Variants in TIPIN observed in about 807,000 individuals in gnomAD.
TIPIN encodes the protein TIMELESS-interacting protein.
A neutral mutation model predicts 35.6 loss-of-function variants in TIPIN; 29 were observed. The observed-to-expected ratio is 0.82, with a 90% confidence interval of 0.61 to 1.11. The LOEUF (loss-of-function observed/expected upper bound fraction) is 1.11. Among genes scored for constraint, TIPIN ranks in the 50% most tolerant of loss-of-function variants. The pLI, the probability that TIPIN is intolerant of heterozygous loss-of-function variation, is 0.00. For missense variants in TIPIN, 296 were observed against 345.4 expected (o/e 0.86, Z 1.13); for synonymous variants, 102 against 121.5 (o/e 0.84, Z 1.06).
chr15:66,360,709 G>C (rs752657413), upstream of TIPIN, among the ~76,000 whole-genome samples: 21 of 152,170 alleles, frequency 1.4e-4, no homozygotes, highest in Non-Finnish European at 2.1e-4. Flanking sequence ...GCTCAGGCCT[G>C]TAATCCCAGC....
In TIPIN at chr15:66,356,644, G is replaced by A. The variant is rs2093205972; in HGVS notation, c.-14C>T. 10 of 985,982 alleles carry A rather than the reference G, an allele frequency of 1.0e-5. No individual in the cohort carries two copies. The South Asian group carries it at 4.2e-4, about 42-fold the overall frequency. 61.1% of individuals were successfully genotyped at this position (985,982 alleles called of 1,614,324 possible). ...GCCCGCCAGCCAGCTCTCACCTCAC[G>A]CAGAAAACACGGGACACAGCGCGGA... is the stretch of plus-strand genomic sequence containing the variant. On this transcript the variant is annotated 5_prime_UTR_variant, in exon 1 of 8. Coordinates refer to ENST00000261881, the MANE Select transcript of TIPIN (RefSeq NM_017858.3).
At chr15:66,374,305 C>T (rs1453394448) in intron 1 of TIPIN, among the ~76,000 whole-genome samples, 1 of 138,904 alleles carries the variant, frequency 7.2e-6, no homozygotes, top group Admixed American at 6.8e-5. Context: ...TTTTAATTTG[C>T]ATTTCCCCAT....
chr15:66,349,303 C>T lies in TIPIN; in HGVS notation c.411+12G>A. On this transcript the variant is annotated intron_variant, in intron 5 of 7. Transcript: ENST00000261881. ...GCATGTGAATGATATTTATAATCAT[C>T]TCAACACTTACCTGAACTTCCTTTT... 1.2e-6 allele frequency: 2 copies of T among 1,612,498 alleles called. No homozygotes were observed. Among genetic ancestry groups the T allele is most frequent in the Non-Finnish European group, 1.7e-6 (2 of 1,179,802 alleles).
upstream of TIPIN, among the ~76,000 whole-genome samples, chr15:66,357,035 G>A (rs1465687949): frequency 6.6e-6 from 1 of 151,836 alleles, no homozygotes; most frequent in Non-Finnish European, 1.5e-5. Flanking sequence ...TCCCACCTCA[G>A]CCTCCCTTCC....
At chr15:66,356,993 T>C (rs2072962038), upstream of TIPIN, among the ~76,000 whole-genome samples, 1 of 152,136 alleles carries the variant, frequency 6.6e-6, no homozygotes, top group South Asian at 2.1e-4. Flanking sequence ...CTCGGCTGAC[T>C]ACAGTCTCTA....
At chr15:66,352,289 G>T in intron 2 of TIPIN, 82 bp from the exon 3 acceptor site, 1 of 1,137,428 alleles carries the variant, frequency 8.8e-7, no homozygotes, top group Non-Finnish European at 1.3e-6. Context: ...AAGCTGATAA[G>T]ATAACTAAAC....
At chr15:66,379,819 T>A in intron 1 of TIPIN, 1 of 1,597,636 alleles carries the variant, frequency 6.3e-7, no homozygotes, top group Non-Finnish European at 8.5e-7. Context: ...CTCCGCAGGG[T>A]TCCTCTGGGG....
intron 6 of TIPIN, chr15:66,347,243 A>G (rs758078424): frequency 1.9e-6 from 1 of 518,852 alleles, no homozygotes; most frequent in Non-Finnish European, 3.8e-6. Flanking sequence ...TCTGATAACT[A>G]TACAGACCCT....
chr15:66,345,434 C>T (rs991730028), intron 6 of TIPIN, among the ~76,000 whole-genome samples: 2 of 152,086 alleles, frequency 1.3e-5, no homozygotes, highest in Non-Finnish European at 2.9e-5. Flanking sequence ...AGGCCGGGCA[C>T]AGTGGCTCAC....
intron 6 of TIPIN, among the ~76,000 whole-genome samples, chr15:66,342,620 T>A (rs1025630547): frequency 3.3e-5 from 5 of 152,116 alleles, no homozygotes; most frequent in African/African-American, 1.2e-4. Flanking sequence ...TGCCTCAGCC[T>A]CCCAAAGTGC....
chr15:66,365,766 C>T (rs955902987), intron 1 of TIPIN, among the ~76,000 whole-genome samples: 2 of 152,024 alleles, frequency 1.3e-5, no homozygotes, highest in East Asian at 3.9e-4. Context: ...AGGCTGGTCT[C>T]GAACTCCTGA....
At chr15:66,350,191 T>A (rs553467887) in intron 4 of TIPIN, among the ~76,000 whole-genome samples, 10 of 151,956 alleles carry the variant, frequency 6.6e-5, no homozygotes, top group Admixed American at 2.6e-4. Flanking sequence ...CTTGAACTCC[T>A]GGCCTCAAGT....
At chr15:66,346,040 G>A (rs531586764) in intron 6 of TIPIN, among the ~76,000 whole-genome samples, 1 of 151,592 alleles carries the variant, frequency 6.6e-6, no homozygotes, top group African/African-American at 2.4e-5. Context: ...TCCGCCTTCC[G>A]GGTTCAAGCA....
chr15:66,379,908 G>T, intron 1 of TIPIN: 8 of 1,513,268 alleles, frequency 5.3e-6, no homozygotes, highest in South Asian at 4.5e-5. Context: ...AATGAGAATG[G>T]TCTTCACTCT....
intron 1 of TIPIN, 58 bp downstream of exon 1, chr15:66,356,581 G>C (rs907701907): frequency 5.1e-6 from 5 of 981,510 alleles, no homozygotes; most frequent in Non-Finnish European, 6.1e-6. Flanking sequence ...TGGCTCCCTG[G>C]CTAGTCCGAC....
chr15:66,355,447 T>A (rs1371034449), intron 1 of TIPIN, among the ~76,000 whole-genome samples: 2 of 150,584 alleles, frequency 1.3e-5, no homozygotes, highest in Non-Finnish European at 3.0e-5. Flanking sequence ...TCGGTTACCA[T>A]AAATATAAAA....
intron 1 of TIPIN, among the ~76,000 whole-genome samples, chr15:66,364,025 G>A (rs968021024): frequency 1.3e-5 from 2 of 151,566 alleles, no homozygotes; most frequent in Non-Finnish European, 2.9e-5. Context: ...CAAGCCATGA[G>A]GGATCCACCC....
intron 4 of TIPIN, among the ~76,000 whole-genome samples, chr15:66,350,372 G>A (rs1258926700): frequency 6.6e-6 from 1 of 151,788 alleles, no homozygotes; most frequent in Non-Finnish European, 1.5e-5. Flanking sequence ...GTGGGAGGCC[G>A]AGGCGGGTGG....
At chr15:66,345,193 A>T (rs1018906403) in intron 6 of TIPIN, among the ~76,000 whole-genome samples, 1 of 152,286 alleles carries the variant, frequency 6.6e-6, no homozygotes, top group East Asian at 1.9e-4. Flanking sequence ...TAAGACAGTC[A>T]TGCGGACTTG....
Sources: allele counts gnomAD v4.1 joint callset (sites outside exome capture counted in the v4.1 genomes callset), GRCh38; gene constraint gnomAD v4.1.1; transcripts MANE v1.5; gene names NCBI Gene and HGNC (gene_info 2026-07-23, HGNC 2026-07-21).